XRCC5: variants seen among roughly 807,000 people sequenced by gnomAD.
The protein encoded by XRCC5 is DNA repair protein Ku80.
Under a neutral mutation model 95.7 loss-of-function variants are expected in XRCC5, and 12 were observed. The ratio of observed to expected loss-of-function variants is 0.13; its 90% CI spans 0.08 to 0.20. XRCC5 has a LOEUF of 0.20. XRCC5 is among the 10% of genes least tolerant of loss of function. XRCC5 has a pLI of 1.00. For synonymous variants in XRCC5, 281 were observed against 290.3 expected (o/e 0.97, Z 0.33); for missense variants, 595 against 873.9 (o/e 0.68, Z 4.02).
At chr2:216,152,400 C>T (rs1234074521) in intron 14 of XRCC5, among the ~76,000 whole-genome samples, 1 of 151,794 alleles carries the variant, frequency 6.6e-6, no homozygotes, top group Non-Finnish European at 1.5e-5. Context: ...GAGATCACAC[C>T]ATTACACTCC....
intron 16 of XRCC5, among the ~76,000 whole-genome samples, chr2:216,168,624 T>C (rs1689095869): frequency 6.6e-6 from 1 of 152,238 alleles, no homozygotes; most frequent in Non-Finnish European, 1.5e-5. Flanking sequence ...GTAGCCTGGC[T>C]ATCCATTAAG....
chr2:216,175,503 A>G (rs1404706216), intron 16 of XRCC5: 4 of 473,924 alleles, frequency 8.4e-6, no homozygotes, highest in Admixed American at 2.4e-5. Context: ...AGTTTTATCA[A>G]TTGTATCATG....
At chr2:216,160,637 A>G (rs1208362966) in intron 15 of XRCC5, among the ~76,000 whole-genome samples, 1 of 152,026 alleles carries the variant, frequency 6.6e-6, no homozygotes, top group Non-Finnish European at 1.5e-5. Flanking sequence ...TTGAATGAGA[A>G]ATTTTTTGGA....
intron 16 of XRCC5, among the ~76,000 whole-genome samples, chr2:216,165,305 A>T (rs1689035234): frequency 6.6e-6 from 1 of 152,120 alleles, no homozygotes; most frequent in African/African-American, 2.4e-5. Context: ...TGACTTTGAG[A>T]CCCAGCATGT....
chr2:216,155,738 A>G (rs1279557128), intron 14 of XRCC5, among the ~76,000 whole-genome samples: 1 of 152,268 alleles, frequency 6.6e-6, no homozygotes, highest in Non-Finnish European at 1.5e-5. Flanking sequence ...TCTTGTACTT[A>G]AAAAGCACAT....
intron 12 of XRCC5, among the ~76,000 whole-genome samples, chr2:216,139,233 A>G (rs551982630): frequency 1.2e-3 from 177 of 152,202 alleles, no homozygotes; most frequent in African/African-American, 3.8e-3. Context: ...TGGAGCCTCA[A>G]ACTCCCTGTG....
chr2:216,157,122 G>A (rs962402377), intron 14 of XRCC5, among the ~76,000 whole-genome samples: 4 of 152,042 alleles, frequency 2.6e-5, no homozygotes, highest in South Asian at 4.1e-4. Flanking sequence ...CTTTCCTCAC[G>A]TTTTTTAATG....
intron 2 of XRCC5, 115 bp downstream of exon 2, chr2:216,113,244 A>AT: frequency 1.2e-6 from 1 of 808,258 alleles, no homozygotes. Flanking sequence ...GTTTGGGGGG[A>AT]TTCTGGGGAG....
At chr2:216,113,664 C>T (rs1369404978) in intron 2 of XRCC5, among the ~76,000 whole-genome samples, 5 of 152,182 alleles carry the variant, frequency 3.3e-5, no homozygotes. Context: ...GCTGGAGTCA[C>T]CCAAAGGCTC....
At chr2:216,140,268 A>G (rs1697151204) in intron 12 of XRCC5, among the ~76,000 whole-genome samples, 1 of 152,254 alleles carries the variant, frequency 6.6e-6, no homozygotes, top group Non-Finnish European at 1.5e-5. Flanking sequence ...GAAAAGGTGC[A>G]GAATAGAAGT....
At chr2:216,172,240 T>C (rs1435294611) in intron 16 of XRCC5, among the ~76,000 whole-genome samples, 3 of 152,082 alleles carry the variant, frequency 2.0e-5, no homozygotes. Flanking sequence ...CAAACATAAT[T>C]AGACAAGCTA....
At chr2:216,171,077 G>T (rs535243700) in intron 16 of XRCC5, among the ~76,000 whole-genome samples, 1 of 152,320 alleles carries the variant, frequency 6.6e-6, no homozygotes, top group South Asian at 2.1e-4. Context: ...GCAAACAACA[G>T]ACGCTCTTAA....
In XRCC5 at chr2:216,205,561, A is replaced by C. The variant is rs1689927907; in HGVS notation, c.*359A>C. 1 of 232,162 alleles carries C rather than the reference A, an allele frequency of 4.3e-6. No homozygotes were observed. Among genetic ancestry groups the C allele is most frequent in the African/African-American group, 2.3e-5 (1 of 43,596 alleles). The allele number at this position is 232,162 out of a possible 1,614,324, so 14.4% of individuals were successfully genotyped here. On this transcript the variant is annotated 3_prime_UTR_variant, in exon 21 of 21. Coordinates refer to ENST00000392132, the MANE Select transcript of XRCC5 (RefSeq NM_021141.4). ...CAGTTGCAGCCCTTGTGATGTGATT[A>C]GTGTCTCATGTGGAACCATGGCATG...
chr2:216,192,607 G>A, intron 17 of XRCC5, 32 bp from the exon 18 acceptor site: 1 of 1,516,484 alleles, frequency 6.6e-7, no homozygotes, highest in South Asian at 1.3e-5. Context: ...GCTCTGACTT[G>A]CTGCCTCCTC....
At chr2:216,192,614 C>T in intron 17 of XRCC5, 25 bp from the exon 18 acceptor site, 3 of 1,555,384 alleles carry the variant, frequency 1.9e-6, no homozygotes, top group Non-Finnish European at 2.6e-6. Flanking sequence ...CTTGCTGCCT[C>T]CTCTACCCCA....
At chr2:216,144,424 A>C (rs570543357) in intron 13 of XRCC5, among the ~76,000 whole-genome samples, 57 of 152,338 alleles carry the variant, frequency 3.7e-4, no homozygotes, top group Non-Finnish European at 5.3e-4. Context: ...AAGAATTTTC[A>C]GTGGCCCACT....
chr2:216,149,484 C>G (rs966603462), intron 14 of XRCC5, among the ~76,000 whole-genome samples: 3 of 152,214 alleles, frequency 2.0e-5, no homozygotes, highest in African/African-American at 7.2e-5. Context: ...TAAAAATTCA[C>G]TTTCCCCCTG....
chr2:216,156,791 A>C (rs1383637190), intron 14 of XRCC5: 2 of 515,750 alleles, frequency 3.9e-6, no homozygotes, highest in South Asian at 2.8e-5. Flanking sequence ...GAGTAACCAC[A>C]CAATCCTGTC....
chr2:216,186,608 C>T (rs1689496876), intron 16 of XRCC5, among the ~76,000 whole-genome samples: 1 of 152,166 alleles, frequency 6.6e-6, no homozygotes, highest in South Asian at 2.1e-4. Flanking sequence ...TAAATGACAG[C>T]CATTTGCCTG....
Sources: gnomAD v4.1 joint callset for allele counts (sites outside exome capture counted in the v4.1 genomes callset) on GRCh38, gnomAD v4.1.1 for gene constraint, MANE v1.5 for transcripts, NCBI Gene and HGNC (gene_info 2026-07-23, HGNC 2026-07-21) for gene names.